CLOCK: variants seen among roughly 807,000 people sequenced by gnomAD.
CLOCK encodes the protein circadian locomoter output cycles protein kaput.
In CLOCK, 43 loss-of-function variants were observed where a neutral mutation model predicts 118.4. The observed-to-expected ratio is 0.36, with a 90% CI of 0.28 to 0.47. CLOCK has a LOEUF of 0.47. Among genes scored for constraint, CLOCK ranks in the 20% least tolerant of loss-of-function variants. The probability of loss-of-function intolerance (pLI) is 1.00; values close to 1 mark genes in which losing one functional copy is unlikely to be tolerated. For synonymous variants in CLOCK, 326 were observed against 339.2 expected (o/e 0.96, Z 0.43); for missense variants, 846 against 999.9 (o/e 0.85, Z 2.08).
chr4:55,503,797 A>C (rs1241417471), intron 2 of CLOCK, among the ~76,000 whole-genome samples: 1 of 151,944 alleles, frequency 6.6e-6, no homozygotes, highest in African/African-American at 2.4e-5. Context: ...TGGTATGTGG[A>C]TCCTTCCCAT....
chr4:55,487,376 C>A (rs1046872751), intron 3 of CLOCK, among the ~76,000 whole-genome samples: 2 of 152,148 alleles, frequency 1.3e-5, no homozygotes, highest in African/African-American at 4.8e-5. Context: ...TACTGTAGGG[C>A]TATCAGGTTG....
intron 1 of CLOCK, among the ~76,000 whole-genome samples, chr4:55,529,317 C>G (rs1418033070): frequency 1.3e-5 from 2 of 152,056 alleles, no homozygotes; most frequent in African/African-American, 4.8e-5. Flanking sequence ...CATGACCATG[C>G]TCAACTAATA....
intron 11 of CLOCK, among the ~76,000 whole-genome samples, chr4:55,458,566 C>T (rs982951454): frequency 2.6e-5 from 4 of 152,034 alleles, no homozygotes; most frequent in African/African-American, 9.7e-5. Flanking sequence ...TAAAAGTTAC[C>T]TTCTAAAAAT....
At chr4:55,493,336 C>CT (rs1216387048) in intron 2 of CLOCK, among the ~76,000 whole-genome samples, 3 of 152,202 alleles carry the variant, frequency 2.0e-5, no homozygotes, top group Admixed American at 6.5e-5. Flanking sequence ...TACTGACCCA[C>CT]TGACCTACTT....
At chr4:55,520,891 G>T (rs576475228) in intron 1 of CLOCK, among the ~76,000 whole-genome samples, 9 of 152,256 alleles carry the variant, frequency 5.9e-5, no homozygotes, top group Non-Finnish European at 1.2e-4. Flanking sequence ...AATTCCTTGA[G>T]ATATAAAAAT....
At position 55,429,074 on chromosome 4, in the gene CLOCK, TTATTTTAAC is replaced by T. The variant is rs1722359221; in HGVS notation, c.*6332_*6340del. 6.6e-6 allele frequency: 1 copy of T among 151,778 alleles called. No homozygotes were observed. The highest frequency in any genetic ancestry group is 2.1e-4 in the South Asian group (1 of 4,806). The allele number at this position is 151,778 out of a possible 1,614,324, so 9.4% of individuals were successfully genotyped here. ...AAGACATCAATCTGAAGGTAACAACTTATTTTAACTTAACTACTGGCATAACCATTGCCA... is the reference window on the plus strand; with the variant it reads ...AAGACATCAATCTGAAGGTAACAACTTTAACTACTGGCATAACCATTGCCA... On this transcript the variant is annotated 3_prime_UTR_variant, in exon 23 of 23. Transcript: ENST00000513440.
chr4:55,538,493 T>C (rs1731048996), intron 1 of CLOCK, among the ~76,000 whole-genome samples: 1 of 152,200 alleles, frequency 6.6e-6, no homozygotes, highest in Non-Finnish European at 1.5e-5. Flanking sequence ...GAAGATAGTT[T>C]TGGCATACTG....
chr4:55,458,497 C>T lies in CLOCK; in HGVS notation c.792+395G>A, dbSNP rs1725076824. Among the ~76,000 whole-genome samples the T allele has an allele frequency of 5.9e-5, 9 of 152,240 alleles. 1 individual carries two copies. The South Asian group carries it at 1.9e-3, about 32-fold the overall frequency. On this transcript the variant is annotated intron_variant, in intron 11 of 22. Coordinates refer to ENST00000513440, the MANE Select transcript of CLOCK (RefSeq NM_004898.4). ...AATAAAAATAAAATACCTAATTTTACATTTGAAAAGGTAAGTTATATGTGG... is the reference window on the plus strand; with the variant it reads ...AATAAAAATAAAATACCTAATTTTATATTTGAAAAGGTAAGTTATATGTGG...
At position 55,435,019 on chromosome 4, in the gene CLOCK, T is replaced by C. The variant is rs759312782; in HGVS notation, c.*396A>G. On this transcript the variant is annotated 3_prime_UTR_variant, in exon 23 of 23. Transcript: ENST00000513440. Reference sequence around the variant, plus strand: ...CATCACTGTAAGCAAACCCCTGACATGGCAGTGGTATGTCCTCTGTAACAC... The same window carrying C: ...CATCACTGTAAGCAAACCCCTGACACGGCAGTGGTATGTCCTCTGTAACAC... 7.6e-6 allele frequency: 2 copies of C among 264,652 alleles called. No homozygotes were observed. Among genetic ancestry groups the C allele is most frequent in the East Asian group, 9.2e-5 (1 of 10,822 alleles). 16.4% of individuals were successfully genotyped at this position (264,652 alleles called of 1,614,324 possible).
At chr4:55,546,361 A>G (rs940315430) in intron 1 of CLOCK, 1 of 152,416 alleles carries the variant, frequency 6.6e-6, no homozygotes, top group Non-Finnish European at 1.5e-5. Flanking sequence ...GTCCCGGGAA[A>G]AGACACACTA....
intron 2 of CLOCK, among the ~76,000 whole-genome samples, chr4:55,508,807 TG>T: frequency 6.6e-6 from 1 of 152,180 alleles, no homozygotes; most frequent in Non-Finnish European, 1.5e-5. Context: ...TTAGCCAGGA[TG>T]GTCTCGATAT....
At chr4:55,514,509 C>A (rs1414499540) in intron 1 of CLOCK, among the ~76,000 whole-genome samples, 1 of 151,328 alleles carries the variant, frequency 6.6e-6, no homozygotes, top group Non-Finnish European at 1.5e-5. Flanking sequence ...ATCCCCCCCC[C>A]ACTTTGCTGA....
chr4:55,537,974 C>T (rs561450758), intron 1 of CLOCK, among the ~76,000 whole-genome samples: 2 of 152,026 alleles, frequency 1.3e-5, no homozygotes, highest in Non-Finnish European at 2.9e-5. Flanking sequence ...ATAAGAAAAC[C>T]ACAGGCAGTC....
At chr4:55,474,439 C>A (rs373724736) in intron 7 of CLOCK, among the ~76,000 whole-genome samples, 73 of 152,260 alleles carry the variant, frequency 4.8e-4, no homozygotes, top group African/African-American at 1.6e-3. Flanking sequence ...GATGTAGAAG[C>A]TAGAGCAAGT....
At chr4:55,441,799 A>T (rs1723391521) in intron 21 of CLOCK, among the ~76,000 whole-genome samples, 1 of 152,154 alleles carries the variant, frequency 6.6e-6, no homozygotes, top group South Asian at 2.1e-4. Flanking sequence ...AGTGCACTAA[A>T]ATAAGTTATA....
chr4:55,491,234 T>TAAAA (rs34441416), intron 2 of CLOCK, among the ~76,000 whole-genome samples: 22 of 44,346 alleles, frequency 5.0e-4, no homozygotes, highest in African/African-American at 1.4e-3. Context: ...GCAGGTGTGC[T>TAAAA]AAAAAAAAAA....
intron 1 of CLOCK, among the ~76,000 whole-genome samples, chr4:55,529,625 T>TCCA (rs1730411671): frequency 6.6e-6 from 1 of 152,040 alleles, no homozygotes; most frequent in South Asian, 2.1e-4. Context: ...AATACAAGAG[T>TCCA]CCACTATGCC....
At chr4:55,524,757 CAA>C (rs1270088434) in intron 1 of CLOCK, among the ~76,000 whole-genome samples, 5 of 152,048 alleles carry the variant, frequency 3.3e-5, no homozygotes, top group African/African-American at 1.2e-4. Context: ...GCTGGTTTGT[CAA>C]AGAGATGTGA....
intron 16 of CLOCK, 74 bp downstream of exon 16, chr4:55,450,016 GA>G (rs758858148): frequency 7.2e-6 from 11 of 1,530,332 alleles, no homozygotes; most frequent in Non-Finnish European, 9.9e-6. Context: ...CGTTTGATGA[GA>G]AATGCTGATA....
Sources: allele counts gnomAD v4.1 joint callset (sites outside exome capture counted in the v4.1 genomes callset), GRCh38; gene constraint gnomAD v4.1.1; transcripts MANE v1.5; gene names NCBI Gene and HGNC (gene_info 2026-07-23, HGNC 2026-07-21).